ZSWIM6: variants seen among roughly 807,000 people sequenced by gnomAD.
The protein encoded by ZSWIM6 is zinc finger SWIM domain-containing protein 6.
In ZSWIM6, 9 loss-of-function variants were observed where a neutral mutation model predicts 113.2. That is an observed-to-expected ratio of 0.08 (90% CI 0.05 to 0.14). The LOEUF is 0.14. Among genes scored for constraint, ZSWIM6 ranks in the 10% least tolerant of loss-of-function variants. The pLI, the probability that ZSWIM6 is intolerant of heterozygous loss-of-function variation, is 1.00. For synonymous variants in ZSWIM6, 611 were observed against 606.5 expected, an observed-to-expected ratio of 1.01 and a Z score of -0.11; for missense variants, 1,162 against 1,552.2, an observed-to-expected ratio of 0.75 and a Z score of 4.22.
intron 4 of ZSWIM6, among the ~76,000 whole-genome samples, chr5:61,518,906 G>C (rs915479568): frequency 1.3e-5 from 2 of 151,876 alleles, no homozygotes; most frequent in Non-Finnish European, 2.9e-5. Flanking sequence ...TTCTTCTAGG[G>C]TTTTTATGGT....
intron 3 of ZSWIM6, among the ~76,000 whole-genome samples, chr5:61,492,853 A>G (rs988370594): frequency 1.3e-5 from 2 of 152,068 alleles, no homozygotes; most frequent in African/African-American, 4.8e-5. Flanking sequence ...TTTATTGAAG[A>G]TCTACTATTT....
At chr5:61,499,979 T>C (rs1458069191) in intron 4 of ZSWIM6, among the ~76,000 whole-genome samples, 1 of 152,060 alleles carries the variant, frequency 6.6e-6, no homozygotes, top group Non-Finnish European at 1.5e-5. Flanking sequence ...TTACAGCCAA[T>C]AATACTGAGG....
intron 4 of ZSWIM6, among the ~76,000 whole-genome samples, chr5:61,513,321 T>C (rs1748839158): frequency 1.3e-5 from 2 of 152,142 alleles, no homozygotes; most frequent in South Asian, 4.1e-4. Flanking sequence ...CCCAGTTTTA[T>C]TGAGTTAAAC....
chr5:61,538,414 A>G (rs989640272), intron 10 of ZSWIM6, among the ~76,000 whole-genome samples: 10 of 152,204 alleles, frequency 6.6e-5, no homozygotes, highest in South Asian at 2.1e-4. Flanking sequence ...CCATTTCACT[A>G]TCAGTTTCTG....
At chr5:61,520,387 G>A (rs1399941804) in intron 4 of ZSWIM6, among the ~76,000 whole-genome samples, 3 of 152,008 alleles carry the variant, frequency 2.0e-5, no homozygotes, top group African/African-American at 4.8e-5. Context: ...CTACTTCTTC[G>A]AAGAATGTAG....
chr5:61,477,221 C>T (rs1027461005), intron 2 of ZSWIM6, among the ~76,000 whole-genome samples: 2 of 152,144 alleles, frequency 1.3e-5, no homozygotes, highest in Non-Finnish European at 2.9e-5. Flanking sequence ...GCCTTGACCC[C>T]AACCTAGAAT....
intron 1 of ZSWIM6, chr5:61,390,810 C>T (rs912997497): frequency 6.3e-6 from 5 of 796,650 alleles, no homozygotes; most frequent in African/African-American, 1.7e-5. Context: ...CAGAGGCCGC[C>T]GTTTGGTTGG....
intron 1 of ZSWIM6, among the ~76,000 whole-genome samples, chr5:61,374,107 G>T (rs1745320727): frequency 6.6e-6 from 1 of 152,120 alleles, no homozygotes; most frequent in African/African-American, 2.4e-5. Flanking sequence ...GAGTAGAATG[G>T]ACATGATTTT....
At position 61,332,309 on chromosome 5, in the gene ZSWIM6, C is replaced by T. The variant is rs1744264518; in HGVS notation, c.37C>T (p.Arg13Trp). Residue 13 changes from arginine to tryptophan, a missense_variant, in exon 1 of 14, where the codon CGG (arginine) becomes TGG (tryptophan). Coordinates refer to ENST00000252744, the MANE Select transcript of ZSWIM6 (RefSeq NM_020928.2). ...ERGQQPPPAK[R>W]LCCRPGGGGG... ...CGGACAGCAGCCTCCTCCCGCGAAA[C>T]GGCTTTGCTGCCGGCCGGGCGGCGG... is the stretch of plus-strand genomic sequence containing the variant. 8.6e-7 allele frequency: 1 copy of T among 1,165,330 alleles called. No individual in the cohort carries two copies. Among genetic ancestry groups the T allele is most frequent in the Non-Finnish European group, 1.1e-6 (1 of 945,936 alleles). 72.2% of individuals were successfully genotyped at this position (1,165,330 alleles called of 1,614,324 possible).
intron 4 of ZSWIM6, among the ~76,000 whole-genome samples, chr5:61,497,878 T>C (rs776079967): frequency 6.6e-6 from 1 of 152,196 alleles, no homozygotes; most frequent in Non-Finnish European, 1.5e-5. Flanking sequence ...ATGCAAATTT[T>C]CTGGAAAGCA....
At chr5:61,420,254 A>C (rs1199922533) in intron 1 of ZSWIM6, among the ~76,000 whole-genome samples, 1 of 152,252 alleles carries the variant, frequency 6.6e-6, no homozygotes, top group South Asian at 2.1e-4. Flanking sequence ...AGACCAGCAC[A>C]TTGTCTAATG....
At chr5:61,518,780 C>T (rs956910082) in intron 4 of ZSWIM6, among the ~76,000 whole-genome samples, 11 of 152,270 alleles carry the variant, frequency 7.2e-5, no homozygotes, top group African/African-American at 2.6e-4. Context: ...TGTGCAGAAG[C>T]TCTTTAGTTT....
chr5:61,350,330 T>C (rs1006918705), intron 1 of ZSWIM6, among the ~76,000 whole-genome samples: 2 of 152,218 alleles, frequency 1.3e-5, no homozygotes, highest in African/African-American at 4.8e-5. Context: ...AGTTTAGAAT[T>C]GTGCGCTATG....
intron 2 of ZSWIM6, among the ~76,000 whole-genome samples, chr5:61,478,543 T>C (rs1372127388): frequency 2.0e-5 from 3 of 152,204 alleles, no homozygotes; most frequent in African/African-American, 7.2e-5. Flanking sequence ...CTTATGTTAG[T>C]ACTGTTATTA....
At chr5:61,518,318 T>A (rs370353426) in intron 4 of ZSWIM6, among the ~76,000 whole-genome samples, 3 of 152,010 alleles carry the variant, frequency 2.0e-5, no homozygotes, top group Admixed American at 6.5e-5. Flanking sequence ...ATGGGATGGC[T>A]GGGTCAAATG....
At position 61,543,691 on chromosome 5, in the gene ZSWIM6, A is replaced by G. The variant is rs967187209; in HGVS notation, c.3022A>G (p.Ile1008Val). Reference protein sequence around the residue: ...SALTLCEKDHIAFETAYQIVL... With the variant: ...SALTLCEKDHVAFETAYQIVL... ...GCTAACCCTTTGTGAAAAGGATCACATAGCTTTTGAGACGGCGTACCAAAT... is the reference window on the plus strand; with the variant it reads ...GCTAACCCTTTGTGAAAAGGATCACGTAGCTTTTGAGACGGCGTACCAAAT... Residue 1008 changes from isoleucine (I) to valine (V), a missense_variant, in exon 14 of 14, where the codon ATA becomes GTA. Coordinates refer to ENST00000252744, the MANE Select transcript of ZSWIM6 (RefSeq NM_020928.2). This position sits in a 1 kb window ranked among gnomAD's most constrained non-coding sequence, Gnocchi z 4.3. The G allele has an allele frequency of 6.4e-6, 10 of 1,551,564 alleles. No individual in the cohort carries two copies. Among genetic ancestry groups the G allele is most frequent in the African/African-American group, 1.4e-5 (1 of 73,044 alleles).
At chr5:61,476,725 C>A (rs1747714536) in intron 2 of ZSWIM6, among the ~76,000 whole-genome samples, 2 of 152,174 alleles carry the variant, frequency 1.3e-5, no homozygotes, top group African/African-American at 4.8e-5. Flanking sequence ...ACTAACCCCA[C>A]CCTCGTAGTT....
At chr5:61,337,591 A>T (rs1369652014) in intron 1 of ZSWIM6, among the ~76,000 whole-genome samples, 1 of 152,256 alleles carries the variant, frequency 6.6e-6, no homozygotes, top group African/African-American at 2.4e-5. Context: ...AGAAATACTC[A>T]GTGGAATACT....
At chr5:61,465,920 T>C (rs1747424725) in intron 1 of ZSWIM6, among the ~76,000 whole-genome samples, 1 of 152,246 alleles carries the variant, frequency 6.6e-6, no homozygotes, top group Admixed American at 6.5e-5. Flanking sequence ...AATGTCTTTC[T>C]ATAAGCTGTT....
Sources: allele counts gnomAD v4.1 joint callset (sites outside exome capture counted in the v4.1 genomes callset), GRCh38; gene constraint gnomAD v4.1.1; non-coding constraint Gnocchi (gnomAD v3.1); transcripts MANE v1.5; gene names NCBI Gene and HGNC (gene_info 2026-07-23, HGNC 2026-07-21).